The following UNKL variants were observed in gnomAD, a reference collection of about 807,000 sequenced individuals.
UNKL encodes the protein putative E3 ubiquitin-protein ligase UNKL.
Under a neutral mutation model 78.0 loss-of-function variants are expected in UNKL, and 60 were observed. The observed-to-expected ratio is 0.77, with a 90% CI of 0.63 to 0.95. UNKL has a LOEUF of 0.95. UNKL is among the 40% of genes least tolerant of loss of function. UNKL has a pLI of 0.00. For synonymous variants in UNKL, 608 were observed against 474.8 expected, an observed-to-expected ratio of 1.28 and a Z score of -3.65; for missense variants, 1,159 against 1,045.7, an observed-to-expected ratio of 1.11 and a Z score of -1.49.
chr16:1,391,259 C>CACACACAA (rs1555457667), intron 8 of UNKL, among the ~76,000 whole-genome samples: 190 of 2,596 alleles, frequency 0.073, 1 homozygote, highest in African/African-American at 0.21. Flanking sequence ...CACACACACA[C>CACACACAA]ACACACACAC....
Position 1,414,541 on chromosome 16 carries a change from G to T in UNKL, c.77+74C>A, listed in dbSNP as rs2038194166. Reference sequence around the variant, plus strand: ...CGGGGGGCGCGGGGGCGGCGGAGGCGGCGCGAGCCCCGGCGGGAGGCTCCG... The same window carrying T: ...CGGGGGGCGCGGGGGCGGCGGAGGCTGCGCGAGCCCCGGCGGGAGGCTCCG... On this transcript the variant is annotated intron_variant, in intron 1 of 14. Coordinates refer to ENST00000389221, the MANE Select transcript of UNKL (RefSeq NM_001372107.1). 1.4e-5 allele frequency: 8 copies of T among 552,804 alleles called. No individual in the cohort carries two copies. The South Asian group carries it at 5.2e-4, about 36-fold the overall frequency. 34.2% of individuals were successfully genotyped at this position (552,804 alleles called of 1,614,324 possible).
At chr16:1,410,104 G>A (rs1447447543) in intron 2 of UNKL, among the ~76,000 whole-genome samples, 1 of 151,868 alleles carries the variant, frequency 6.6e-6, no homozygotes, top group East Asian at 1.9e-4. Flanking sequence ...AAACAGTTAT[G>A]AAAAGATGCT....
At chr16:1,375,430 C>T (rs1325125141) in intron 10 of UNKL, among the ~76,000 whole-genome samples, 2 of 152,228 alleles carry the variant, frequency 1.3e-5, no homozygotes, top group Non-Finnish European at 2.9e-5. Context: ...ACACGCCAGC[C>T]GTGAGGGAAT....
intron 5 of UNKL, chr16:1,398,586 G>C: frequency 7.1e-7 from 1 of 1,411,810 alleles, no homozygotes. Context: ...AAGAGGCGAG[G>C]GTGGCTCTCT....
At chr16:1,398,636 G>C (rs2037378436) in intron 5 of UNKL, 1 of 1,440,804 alleles carries the variant, frequency 6.9e-7, no homozygotes, top group South Asian at 1.5e-5. Flanking sequence ...GCCTCAGGGA[G>C]GCCAAGGCCA....
rs2037598851 is a variant in UNKL at position 1,403,023 on chromosome 16, C to G, written c.464+145G>C. On this transcript the variant is annotated intron_variant, in intron 3 of 14. Coordinates refer to ENST00000389221, the MANE Select transcript of UNKL (RefSeq NM_001372107.1). The surrounding 1 kb of genome is among the most constrained non-coding windows in gnomAD (Gnocchi z 4.8). ...AGCAAAAAAAGGACTAACATCCAGA[C>G]TCAGAAAGAAATTCTGGAGGAGAGA... The G allele has an allele frequency of 9.1e-7, 1 of 1,101,618 alleles. No individual in the cohort carries two copies. The highest frequency in any genetic ancestry group is 1.3e-6 in the Non-Finnish European group (1 of 797,002). 68.2% of individuals were successfully genotyped at this position (1,101,618 alleles called of 1,614,324 possible).
chr16:1,379,407 G>T, intron 10 of UNKL: 1 of 923,746 alleles, frequency 1.1e-6, no homozygotes, highest in Non-Finnish European at 1.3e-6. Context: ...CCCGCGCTGG[G>T]AAGCGGCGAG....
chr16:1,411,860 A>G (rs1261869030), intron 2 of UNKL: 8 of 152,234 alleles, frequency 5.3e-5, no homozygotes, highest in Non-Finnish European at 8.8e-5. Flanking sequence ...CTAATGTACA[A>G]TTAAAAACAT....
intron 8 of UNKL, among the ~76,000 whole-genome samples, chr16:1,391,440 G>C (rs930606626): frequency 6.6e-6 from 1 of 151,926 alleles, no homozygotes; most frequent in Non-Finnish European, 1.5e-5. Flanking sequence ...GTGAGCACAG[G>C]CATTTGCCAG....
At position 1,385,301 on chromosome 16, in the gene UNKL, C is replaced by T. The variant is rs969022397; in HGVS notation, c.1171G>A (p.Gly391Ser). 6.6e-5 allele frequency: 91 copies of T among 1,381,864 alleles called. No homozygotes were observed. The highest frequency in any genetic ancestry group is 7.4e-5 in the Non-Finnish European group (79 of 1,073,004). The allele number at this position is 1,381,864 out of a possible 1,614,324, so 85.6% of individuals were successfully genotyped here. Residue 391 changes from glycine (G) to serine (S), a missense_variant, in exon 10 of 15, where the codon GGC (glycine) becomes AGC (serine). Gly to Ser is a moderately conservative substitution (Grantham distance 56). Transcript: ENST00000389221. ...SVASSLASSA[G>S]SGSSSPTALP... ...GCAGTGGGGGAGGAGCTGCCGGAGC[C>T]GGCGCTGGACGCCAGGCTGGACGCC...
At chr16:1,393,219 G>A (rs984558293) in intron 7 of UNKL, among the ~76,000 whole-genome samples, 16 of 152,194 alleles carry the variant, frequency 1.1e-4, no homozygotes, top group African/African-American at 3.9e-4. Context: ...AACAAGAATA[G>A]CTGCCCTCCC....
chr16:1,384,891 C>T (rs2036748568), intron 10 of UNKL, among the ~76,000 whole-genome samples: 1 of 151,248 alleles, frequency 6.6e-6, no homozygotes, highest in Non-Finnish European at 1.5e-5. Flanking sequence ...CCAACTCCCA[C>T]AACTCCCATC....
Position 1,371,674 on chromosome 16 carries a change from C to A in UNKL, c.1265-63G>T, listed in dbSNP as rs537530526. The A allele has an allele frequency of 2.0e-6, 3 of 1,496,290 alleles. No homozygotes were observed. In the South Asian group the frequency reaches 3.6e-5, roughly 18 times the overall value. 92.7% of individuals were successfully genotyped at this position (1,496,290 alleles called of 1,614,324 possible). ...GCGCTGCAGAGCTCAGGAAGCCTAG[C>A]TGAGGAGGACGACCGTCCCACCTGG... is the stretch of plus-strand genomic sequence containing the variant. On this transcript the variant is annotated intron_variant, in intron 10 of 14. Coordinates refer to ENST00000389221, the MANE Select transcript of UNKL (RefSeq NM_001372107.1).
chr16:1,402,022 C>A (rs1436033533), intron 3 of UNKL, among the ~76,000 whole-genome samples: 1 of 152,228 alleles, frequency 6.6e-6, no homozygotes, highest in African/African-American at 2.4e-5. Flanking sequence ...CTTGGCCTCC[C>A]AGAGCACTGG....
intron 8 of UNKL, among the ~76,000 whole-genome samples, chr16:1,392,623 T>C (rs1395105061): frequency 6.6e-6 from 1 of 152,110 alleles, no homozygotes; most frequent in Non-Finnish European, 1.5e-5. Context: ...TTAGTAGAGA[T>C]GGAGTTTCAC....
rs1197414112 is a variant in UNKL at position 1,413,851 on chromosome 16, G to A, written c.282C>T (p.Gly94=). The A allele has an allele frequency of 6.6e-7, 1 of 1,519,812 alleles. No homozygotes were observed. The highest frequency in any genetic ancestry group is 2.1e-5 in the Admixed American group (1 of 48,512). The allele number at this position is 1,519,812 out of a possible 1,614,324, so 94.1% of individuals were successfully genotyped here. The change falls in exon 2 of 15, where the codon GGC becomes GGT. Residue 94 remains glycine (G), a synonymous_variant. Coordinates refer to ENST00000389221, the MANE Select transcript of UNKL (RefSeq NM_001372107.1). ...YNEATGVCPD[G]DECPYLHRTT... is the part of the protein sequence containing the mutation. ...GCCCCCTCGCGGCCGCTTACTCGTC[G>A]CCGTCGGGGCACACGCCGGTGGCTT...
intron 7 of UNKL, 35 bp downstream of exon 7, chr16:1,394,096 G>C: frequency 6.5e-7 from 1 of 1,545,580 alleles, no homozygotes; most frequent in Non-Finnish European, 8.8e-7. Flanking sequence ...CGCGGAACCT[G>C]CTAAGGTGAA....
chr16:1,401,363 GC>G, intron 4 of UNKL: 1 of 521,774 alleles, frequency 1.9e-6, no homozygotes, highest in Non-Finnish European at 3.1e-6. Context: ...CAGAGCAGGT[GC>G]GGGGGAAGGC....
chr16:1,406,168 T>C (rs1420223523), intron 2 of UNKL: 1 of 396,046 alleles, frequency 2.5e-6, no homozygotes, highest in Non-Finnish European at 5.1e-6. Context: ...CTGAAACAGC[T>C]GGGGGTGATG....
Sources: gnomAD v4.1 joint callset for allele counts (sites outside exome capture counted in the v4.1 genomes callset) on GRCh38, gnomAD v4.1.1 for gene constraint, Gnocchi (gnomAD v3.1) non-coding constraint, MANE v1.5 for transcripts, NCBI Gene and HGNC (gene_info 2026-07-23, HGNC 2026-07-21) for gene names.